RSRP1: variants seen among roughly 807,000 people sequenced by gnomAD.
RSRP1 encodes arginine/serine-rich protein 1.
Under a neutral mutation model 33.0 loss-of-function variants are expected in RSRP1, and 37 were observed. That is an observed-to-expected ratio of 1.12 (90% CI 0.86 to 1.48). The LOEUF (loss-of-function observed/expected upper bound fraction) is 1.48. Among genes scored for constraint, RSRP1 ranks in the 40% most tolerant of loss-of-function variants. The pLI, the probability that RSRP1 is intolerant of heterozygous loss-of-function variation, is 0.00. For missense variants in RSRP1, 402 were observed against 385.3 expected (o/e 1.04, Z -0.36); for synonymous variants, 167 against 158.7 (o/e 1.05, Z -0.40).
chr1:25,301,872 G>A (rs529420905), intron 1 of RSRP1, among the ~76,000 whole-genome samples: 1 of 131,940 alleles, frequency 7.6e-6, no homozygotes, highest in African/African-American at 2.6e-5. Context: ...TGGGACTCAG[G>A]AGACTGTCCA....
At position 25,276,444 on chromosome 1, in the gene RSRP1, G is replaced by T. The variant is rs1640972082; in HGVS notation, c.-66-29415C>A. On this transcript the variant is annotated intron_variant, in intron 1 of 1. Coordinates refer to the RSRP1 transcript ENST00000561867. ...AAAAAAAAAAAAACACCCTGGCTGA[G>T]CATTTAGGGAGGCCAAGTGGGGAGG... Among the ~76,000 whole-genome samples, 2 of 117,954 alleles carry T rather than the reference G, an allele frequency of 1.7e-5. 1 individual carries two copies. Among genetic ancestry groups the T allele is most frequent in the South Asian group, 5.1e-4 (2 of 3,908 alleles). 77.4% of individuals were successfully genotyped at this position (117,954 alleles called of 152,430 possible).
intron 1 of RSRP1, among the ~76,000 whole-genome samples, chr1:25,254,593 G>T (rs1037082698): frequency 6.6e-6 from 1 of 151,984 alleles, no homozygotes. Flanking sequence ...CTGCCACCAT[G>T]CCAAGTAATT....
At chr1:25,251,143 T>G (rs1166204875), upstream of RSRP1, among the ~76,000 whole-genome samples, 1 of 152,110 alleles carries the variant, frequency 6.6e-6, no homozygotes, top group Non-Finnish European at 1.5e-5. Context: ...TCCCACATCA[T>G]AGAACTGAAT....
At chr1:25,249,654 T>C (rs1209738184), upstream of RSRP1, among the ~76,000 whole-genome samples, 1 of 152,212 alleles carries the variant, frequency 6.6e-6, no homozygotes, top group Non-Finnish European at 1.5e-5. Flanking sequence ...TCCTGGATAT[T>C]AACAGGATTT....
At chr1:25,275,063 G>T (rs1299034904) in intron 1 of RSRP1, among the ~76,000 whole-genome samples, 1 of 131,922 alleles carries the variant, frequency 7.6e-6, no homozygotes, top group African/African-American at 2.6e-5. Flanking sequence ...ACCAAGGCAG[G>T]CAGATCACCT....
intron 1 of RSRP1, among the ~76,000 whole-genome samples, chr1:25,261,199 C>G (rs1359606032): frequency 6.6e-6 from 1 of 152,098 alleles, no homozygotes. Context: ...CACCTATTTC[C>G]AAATATAGTC....
intron 1 of RSRP1, among the ~76,000 whole-genome samples, chr1:25,298,779 T>A (rs1643141320): frequency 7.6e-6 from 1 of 131,082 alleles, no homozygotes; most frequent in African/African-American, 2.6e-5. Flanking sequence ...AAGGAAAGAC[T>A]GCCAATAAAC....
At position 25,246,880 on chromosome 1, in the gene RSRP1, G is replaced by C; in HGVS notation, c.84C>G (p.Ser28Arg). The change falls in exon 2 of 5, where the codon AGC (serine) becomes AGG (arginine). Residue 28 changes from serine to arginine, a missense_variant. Ser to Arg is a moderately radical substitution (Grantham distance 110). Coordinates refer to ENST00000243189, the MANE Select transcript of RSRP1 (RefSeq NM_020317.5). ...GGCTCCTAGACCGCGACGACAGCCG[G>C]CTGGACCCGCCCGACCGCGAGGTCG... ...SPSTSRSGGS[S>R]RLSSRSRSRS... 6.2e-7 allele frequency: 1 copy of C among 1,608,242 alleles called. No homozygotes were observed. The highest frequency in any genetic ancestry group is 8.5e-7 in the Non-Finnish European group (1 of 1,175,996).
rs199516277 is a variant in RSRP1, at chr1:25,242,684, G to A, written c.778C>T (p.Gln260Ter). 1.4e-5 allele frequency: 22 copies of A among 1,607,748 alleles called. No individual in the cohort carries two copies. Among genetic ancestry groups the A allele is most frequent in the East Asian group, 2.2e-5 (1 of 44,852 alleles). Reference sequence around the variant, plus strand: ...TCTGTGGCAGCTTTAGCTGATTTTTGTATTGGCTTTGCTACAGAATTCTGT... The same window carrying A: ...TCTGTGGCAGCTTTAGCTGATTTTTATATTGGCTTTGCTACAGAATTCTGT... ...SSNNSVAKPIQKSAKAATEEA... is the reference protein window; with the variant it reads ...SSNNSVAKPI Residue 260 changes from glutamine (Q) to a stop codon, truncating the protein, a stop_gained, in exon 5 of 5, where the codon CAA (glutamine) becomes TAA (stop). Transcript: ENST00000243189. LOFTEE classifies it high-confidence loss of function.
intron 1 of RSRP1, among the ~76,000 whole-genome samples, chr1:25,262,930 T>C (rs906189407): frequency 1.3e-5 from 2 of 152,324 alleles, no homozygotes; most frequent in East Asian, 1.9e-4. Flanking sequence ...TAACAAATAA[T>C]GCCTTTCCAG....
intron 1 of RSRP1, among the ~76,000 whole-genome samples, chr1:25,258,838 T>C (rs1191754047): frequency 1.3e-5 from 2 of 152,194 alleles, no homozygotes; most frequent in Admixed American, 6.5e-5. Flanking sequence ...TTTGGCATCA[T>C]AGGAGATTTG....
Position 25,258,340 on chromosome 1 carries a change from C to T in RSRP1, c.-66-11311G>A, listed in dbSNP as rs543815137. On this transcript the variant is annotated intron_variant, in intron 1 of 1. Coordinates refer to the RSRP1 transcript ENST00000561867. ...GGATTACAGATGTGCACCACCATGC[C>T]GGCTAATTTTTGTATTTTTTGTAGA... Among the ~76,000 whole-genome samples the T allele has an allele frequency of 2.6e-5, 4 of 152,098 alleles. No homozygotes were observed. The East Asian group carries it at 7.7e-4, about 29-fold the overall frequency.
In RSRP1 at chr1:25,290,580, AAT is replaced by A. The variant is rs1380893871; in HGVS notation, c.-66-43553_-66-43552del. 52 of 1,185,916 alleles carry A rather than the reference AAT, an allele frequency of 4.4e-5. 7 individuals carry two copies. In the East Asian group the frequency reaches 5.0e-4, roughly 11 times the overall value. 73.5% of individuals were successfully genotyped at this position (1,185,916 alleles called of 1,614,324 possible). A position where few individuals can be genotyped will look rare whatever the true frequency, so the allele number is the denominator to read the frequency against. On this transcript the variant is annotated intron_variant, in intron 1 of 1. Transcript: ENST00000561867. ...GAATGAATGAATGAATGAATGAATG[AAT>A]GAATGAGTGAGAGGCATCCTTCCTT...
At chr1:25,336,860 C>A (rs1645085124) in intron 1 of RSRP1, among the ~76,000 whole-genome samples, 1 of 151,752 alleles carries the variant, frequency 6.6e-6, no homozygotes, top group African/African-American at 2.4e-5. Context: ...GATTGTCATG[C>A]AGTTTTATCT....
intron 4 of RSRP1, 22 bp from the exon 5 acceptor site, chr1:25,242,727 C>A: frequency 6.8e-7 from 1 of 1,480,794 alleles, no homozygotes; most frequent in South Asian, 1.2e-5. Context: ...CAAATTCAGT[C>A]AGCTTCCCAA....
intron 1 of RSRP1, chr1:25,304,599 A>C (rs1233751202): frequency 8.0e-6 from 1 of 125,078 alleles, no homozygotes; most frequent in East Asian, 2.0e-4. Flanking sequence ...CTCTGTCTTA[A>C]AAAAAAAAAA....
At chr1:25,283,863 C>T (rs1641717079) in intron 1 of RSRP1, among the ~76,000 whole-genome samples, 2 of 133,980 alleles carry the variant, frequency 1.5e-5, no homozygotes, top group South Asian at 4.4e-4. Flanking sequence ...GGAATTAAAC[C>T]AAAGTGCTCA....
In RSRP1 at chr1:25,242,683, TG is replaced by T; in HGVS notation, c.778del (p.Gln260LysfsTer18). ...TTCTGTGGCAGCTTTAGCTGATTTT[TG>T]TATTGGCTTTGCTACAGAATTCTGT... ...SSNNSVAKPI[Q>X]KSAKAATEEA... On this transcript the variant is annotated frameshift_variant, in exon 5 of 5. Coordinates refer to ENST00000243189, the MANE Select transcript of RSRP1 (RefSeq NM_020317.5). LOFTEE classifies it high-confidence loss of function. The T allele has an allele frequency of 3.1e-6, 5 of 1,608,790 alleles. No individual in the cohort carries two copies. The highest frequency in any genetic ancestry group is 4.2e-6 in the Non-Finnish European group (5 of 1,179,366).
At chr1:25,257,252 G>A (rs1283200950) in intron 1 of RSRP1, among the ~76,000 whole-genome samples, 6 of 152,006 alleles carry the variant, frequency 3.9e-5, no homozygotes, top group Admixed American at 6.6e-5. Flanking sequence ...CATTTATCAC[G>A]CTTGTAATTA....
Sources: gnomAD v4.1 joint callset for allele counts (sites outside exome capture counted in the v4.1 genomes callset) on GRCh38, gnomAD v4.1.1 for gene constraint, MANE v1.5 for transcripts, NCBI Gene and HGNC (gene_info 2026-07-23, HGNC 2026-07-21) for gene names.